The following RPP14 variants were observed in gnomAD, a reference collection of about 807,000 sequenced individuals.
RPP14 encodes the protein ribonuclease P/MRP subunit p14.
RPP14 carries 19 observed loss-of-function variants against 17.8 expected under a neutral mutation model. That is an observed-to-expected ratio of 1.07 (90% CI 0.74 to 1.57). The LOEUF is 1.57. Among genes scored for constraint, RPP14 ranks in the 40% most tolerant of loss-of-function variants. RPP14 has a pLI of 0.00. For missense variants in RPP14, 125 were observed against 140.8 expected (o/e 0.89, Z 0.57); for synonymous variants, 60 against 56.4 (o/e 1.06, Z -0.29).
At chr3:58,311,021 T>A (rs1246182130) in intron 3 of RPP14, among the ~76,000 whole-genome samples, 1 of 152,210 alleles carries the variant, frequency 6.6e-6, no homozygotes, top group East Asian at 1.9e-4. Flanking sequence ...TTTATTCATT[T>A]ATTGTAATAA....
chr3:58,311,752 T>TG (rs758584845), intron 3 of RPP14, among the ~76,000 whole-genome samples: 47 of 152,046 alleles, frequency 3.1e-4, no homozygotes, highest in Non-Finnish European at 6.8e-4. Context: ...AGTGCTGGGA[T>TG]GACAGCATGA....
chr3:58,317,249 CT>C (rs1263944275), intron 5 of RPP14, among the ~76,000 whole-genome samples, 190 bp from the exon 6 acceptor site: 2 of 152,116 alleles, frequency 1.3e-5, no homozygotes, highest in Non-Finnish European at 2.9e-5. Context: ...CACTTAATGC[CT>C]TGTGTGTTAT....
intron 3 of RPP14, among the ~76,000 whole-genome samples, chr3:58,314,337 A>G (rs1309448785): frequency 6.6e-6 from 1 of 152,158 alleles, no homozygotes; most frequent in East Asian, 1.9e-4. Flanking sequence ...GGTGACAGAG[A>G]GAGACTCTGT....
rs771560850 is a variant in RPP14 at position 58,319,329 on chromosome 3, T to A, written c.*1833T>A. 6 of 152,338 alleles carry A rather than the reference T, an allele frequency of 3.9e-5. No individual in the cohort carries two copies. The highest frequency in any genetic ancestry group is 8.8e-5 in the Non-Finnish European group (6 of 68,044). The allele number at this position is 152,338 out of a possible 1,614,324, so 9.4% of individuals were successfully genotyped here. On this transcript the variant is annotated 3_prime_UTR_variant, in exon 6 of 6. Coordinates refer to ENST00000295959, the MANE Select transcript of RPP14 (RefSeq NM_007042.6). Reference sequence around the variant, plus strand: ...TCAGTTATGTAAACGGTCTGATCTGTAAAATAGTGGTAGCACATGCCATGT... The same window carrying A: ...TCAGTTATGTAAACGGTCTGATCTGAAAAATAGTGGTAGCACATGCCATGT...
chr3:58,319,852 T>C lies in RPP14; in HGVS notation c.*2356T>C, dbSNP rs1199312442. On this transcript the variant is annotated 3_prime_UTR_variant, in exon 6 of 6. Coordinates refer to ENST00000295959, the MANE Select transcript of RPP14 (RefSeq NM_007042.6). ...GAGATATAATTCACATACCATAAAA[T>C]TCACCTTTTAAAAGTGTACAGTTTA... 6.6e-6 allele frequency: 1 copy of C among 152,140 alleles called. No individual in the cohort carries two copies. The highest frequency in any genetic ancestry group is 1.5e-5 in the Non-Finnish European group (1 of 68,028). 9.4% of individuals were successfully genotyped at this position (152,140 alleles called of 1,614,324 possible).
chr3:58,308,787 TAG>T (rs1559792226), intron 1 of RPP14, among the ~76,000 whole-genome samples: 1 of 151,824 alleles, frequency 6.6e-6, no homozygotes, highest in African/African-American at 2.4e-5. Flanking sequence ...ATTAAACAAA[TAG>T]ACAGTGTTAA....
intron 1 of RPP14, chr3:58,306,683 T>C (rs568042868): frequency 2.6e-5 from 4 of 152,378 alleles, no homozygotes; most frequent in South Asian, 2.1e-4. Flanking sequence ...TTGAAAAATA[T>C]TGAAAGCCAC....
intron 3 of RPP14, among the ~76,000 whole-genome samples, chr3:58,312,147 C>T (rs62259332): frequency 0.23 from 35,123 of 152,192 alleles, 5,901 homozygotes; most frequent in East Asian, 0.81. Context: ...AGCCACTGCA[C>T]CTGACCTATT....
rs754768982 is a variant in RPP14, at chr3:58,317,407, C to T, written c.319-33C>T. Reference sequence around the variant, plus strand: ...TGCCCTGTGCTTCAGTGTGGTTTCTCCCAATGCCTTAACCTTTTTCTTTCT... The same window carrying T: ...TGCCCTGTGCTTCAGTGTGGTTTCTTCCAATGCCTTAACCTTTTTCTTTCT... On this transcript the variant is annotated intron_variant, in intron 5 of 5. Transcript: ENST00000295959. The T allele has an allele frequency of 6.1e-6, 9 of 1,486,918 alleles. No individual in the cohort carries two copies. The African/African-American group carries it at 7.0e-5, about 12-fold the overall frequency. The allele number at this position is 1,486,918 out of a possible 1,614,324, so 92.1% of individuals were successfully genotyped here.
intron 1 of RPP14, 35 bp downstream of exon 1, chr3:58,306,452 T>C (rs1231747806): frequency 2.6e-5 from 4 of 152,296 alleles, no homozygotes; most frequent in Non-Finnish European, 5.9e-5. Flanking sequence ...GGCGGTTGTC[T>C]GGGAGCCGTC....
chr3:58,316,510 T>G lies in RPP14; in HGVS notation c.163-5T>G. The G allele has an allele frequency of 6.2e-7, 1 of 1,612,252 alleles. No homozygotes were observed. Among genetic ancestry groups the G allele is most frequent in the Non-Finnish European group, 8.5e-7 (1 of 1,178,310 alleles). ...AGCCTGCTAATAGCATTATTCCATA[T>G]GCAGGTTGATGCCGCCTTACCTTTG... On this transcript the variant is annotated splice_region_variant and splice_polypyrimidine_tract_variant and intron_variant, in intron 3 of 5. Coordinates refer to ENST00000295959, the MANE Select transcript of RPP14 (RefSeq NM_007042.6).
At chr3:58,312,343 C>CCT (rs1553724610) in intron 3 of RPP14, among the ~76,000 whole-genome samples, 2 of 128,238 alleles carry the variant, frequency 1.6e-5, no homozygotes, top group African/African-American at 5.7e-5. Context: ...CACCCCCCCC[C>CCT]GCCCCTCCCG....
intron 3 of RPP14, among the ~76,000 whole-genome samples, chr3:58,313,555 G>A (rs145835335): frequency 2.6e-5 from 4 of 152,306 alleles, no homozygotes; most frequent in African/African-American, 9.6e-5. Flanking sequence ...AGGTGCAGTG[G>A]CTCACAGCTG....
chr3:58,316,621 T>A, intron 4 of RPP14, 30 bp downstream of exon 4: 1 of 1,581,060 alleles, frequency 6.3e-7, no homozygotes, highest in South Asian at 1.1e-5. Context: ...ATTTCTAGTA[T>A]AACAGGGCAG....
rs1015992274 is a variant in RPP14, at chr3:58,310,671, G to A, written c.162+80G>A. On this transcript the variant is annotated intron_variant, in intron 3 of 5. Transcript: ENST00000295959. ...AAAGAGGCCGGGCGCGGTAGCTCAC[G>A]CCTGTAATCCCAGCACTTTGGAGGC... 36 of 1,226,650 alleles carry A rather than the reference G, an allele frequency of 2.9e-5. No individual in the cohort carries two copies. The African/African-American group carries it at 4.3e-4, about 15-fold the overall frequency. The allele number at this position is 1,226,650 out of a possible 1,614,324, so 76.0% of individuals were successfully genotyped here.
intron 4 of RPP14, 148 bp from the exon 5 acceptor site, chr3:58,316,767 G>C (rs1000643635): frequency 2.3e-6 from 2 of 864,396 alleles, no homozygotes; most frequent in African/African-American, 1.7e-5. Flanking sequence ...CTCTAGAGAG[G>C]GCAAAACTTA....
At chr3:58,316,792 C>A in intron 4 of RPP14, 123 bp from the exon 5 acceptor site, 2 of 933,352 alleles carry the variant, frequency 2.1e-6, no homozygotes, top group Non-Finnish European at 3.3e-6. Flanking sequence ...TTGGTTACAG[C>A]TGTAGTTTTC....
chr3:58,311,728 C>G (rs2107502800), intron 3 of RPP14, among the ~76,000 whole-genome samples: 2 of 150,150 alleles, frequency 1.3e-5, no homozygotes, highest in South Asian at 4.2e-4. Context: ...TTTTTCCCCA[C>G]CTTGGCTTCC....
At chr3:58,316,671 G>C (rs2107509313) in intron 4 of RPP14, 80 bp downstream of exon 4, 3 of 1,313,132 alleles carry the variant, frequency 2.3e-6, no homozygotes, top group Middle Eastern at 3.7e-4. Flanking sequence ...CTGAGAATGA[G>C]AATAAATTTT....
Sources: gnomAD v4.1 joint callset for allele counts (sites outside exome capture counted in the v4.1 genomes callset) on GRCh38, gnomAD v4.1.1 for gene constraint, MANE v1.5 for transcripts, NCBI Gene and HGNC (gene_info 2026-07-23, HGNC 2026-07-21) for gene names.